Variants in DGKB observed in about 807,000 individuals in gnomAD.
The protein encoded by DGKB is diacylglycerol kinase beta.
Under a neutral mutation model 114.3 loss-of-function variants are expected in DGKB, and 67 were observed. The observed-to-expected ratio is 0.59, with a 90% confidence interval of 0.48 to 0.72. The LOEUF (loss-of-function observed/expected upper bound fraction) is 0.72. DGKB is among the 30% of genes least tolerant of loss of function. The pLI, the probability that DGKB is intolerant of heterozygous loss-of-function variation, is 0.00. For synonymous variants in DGKB, 398 were observed against 323.1 expected, an observed-to-expected ratio of 1.23 and a Z score of -2.49; for missense variants, 907 against 975.2, an observed-to-expected ratio of 0.93 and a Z score of 0.93.
chr7:14,944,483 AT>A (rs1360707281), intron 1 of DGKB, among the ~76,000 whole-genome samples: 2 of 151,974 alleles, frequency 1.3e-5, no homozygotes, highest in African/African-American at 4.8e-5. Flanking sequence ...TGCCTTTACA[AT>A]AAAAAATTTT....
At chr7:14,216,358 T>C (rs917161967) in intron 23 of DGKB, among the ~76,000 whole-genome samples, 8 of 152,134 alleles carry the variant, frequency 5.3e-5, no homozygotes, top group Non-Finnish European at 1.0e-4. Context: ...TGTACTGTTA[T>C]ATGTCATGAG....
At chr7:14,317,964 C>G (rs1806926860) in intron 23 of DGKB, among the ~76,000 whole-genome samples, 2 of 38,986 alleles carry the variant, frequency 5.1e-5, no homozygotes, top group African/African-American at 7.8e-5. Flanking sequence ...CAGAACAGAG[C>G]CCTCAGAAAT....
intron 23 of DGKB, among the ~76,000 whole-genome samples, chr7:14,273,190 CA>C (rs575735588): frequency 6.6e-6 from 1 of 151,720 alleles, no homozygotes; most frequent in Non-Finnish European, 1.5e-5. Flanking sequence ...ACAAAAAATA[CA>C]AAAAATTAGC....
intron 1 of DGKB, among the ~76,000 whole-genome samples, chr7:14,953,431 T>G (rs542110008): frequency 6.6e-6 from 1 of 152,242 alleles, no homozygotes; most frequent in South Asian, 2.1e-4. Flanking sequence ...TACAAATGGC[T>G]GATAAGCACA....
At chr7:14,933,837 G>C (rs1364215825) in intron 1 of DGKB, among the ~76,000 whole-genome samples, 1 of 152,044 alleles carries the variant, frequency 6.6e-6, no homozygotes, top group African/African-American at 2.4e-5. Context: ...AACAGCCCTA[G>C]AAGTTCCTCT....
At chr7:14,878,876 C>CACT (rs1341598085) in intron 1 of DGKB, among the ~76,000 whole-genome samples, 8 of 148,888 alleles carry the variant, frequency 5.4e-5, no homozygotes, top group African/African-American at 2.1e-4. Flanking sequence ...CATTGCAAAT[C>CACT]TTGCATATGT....
At chr7:14,161,658 G>T (rs1237825096) in intron 25 of DGKB, among the ~76,000 whole-genome samples, 1 of 151,676 alleles carries the variant, frequency 6.6e-6, no homozygotes, top group East Asian at 1.9e-4. Context: ...ACACACCAGG[G>T]CCTGTTGGGG....
At chr7:14,162,861 C>A (rs896925333) in intron 25 of DGKB, among the ~76,000 whole-genome samples, 1 of 152,122 alleles carries the variant, frequency 6.6e-6, no homozygotes, top group African/African-American at 2.4e-5. Context: ...ATTAATTAAG[C>A]TCTAATAATG....
intron 1 of DGKB, among the ~76,000 whole-genome samples, chr7:14,956,249 T>A (rs1309779350): frequency 6.6e-6 from 1 of 151,960 alleles, no homozygotes; most frequent in South Asian, 2.1e-4. Flanking sequence ...TAATTTCAAA[T>A]GCAGTGCATT....
chr7:14,482,372 C>G (rs1375519145), intron 20 of DGKB, among the ~76,000 whole-genome samples: 1 of 151,776 alleles, frequency 6.6e-6, no homozygotes, highest in African/African-American at 2.4e-5. Flanking sequence ...GAAATTTTTG[C>G]TTTGGTATTC....
chr7:14,738,076 A>G (rs530822747), intron 4 of DGKB, among the ~76,000 whole-genome samples: 3 of 152,348 alleles, frequency 2.0e-5, no homozygotes, highest in African/African-American at 7.2e-5. Context: ...CAACAGTCAG[A>G]CATGGGATCC....
At chr7:14,763,155 A>C (rs1489100559) in intron 2 of DGKB, among the ~76,000 whole-genome samples, 1 of 152,030 alleles carries the variant, frequency 6.6e-6, no homozygotes, top group Non-Finnish European at 1.5e-5. Flanking sequence ...TCTTTTGCTG[A>C]TGATTTTTTT....
At position 14,894,001 on chromosome 7, in the gene DGKB, A is replaced by C. The variant is rs1163131155; in HGVS notation, c.-188+8591T>G. Reference sequence around the variant, plus strand: ...CTCTGATGTATGGTAGGTGCTCAAAAATTTTAAGTGAACATTTAAATGCCA... The same window carrying C: ...CTCTGATGTATGGTAGGTGCTCAAACATTTTAAGTGAACATTTAAATGCCA... On this transcript the variant is annotated intron_variant, in intron 1 of 25. Coordinates refer to ENST00000402815, the MANE Select transcript of DGKB (RefSeq NM_001350709.2). Among the ~76,000 whole-genome samples the C allele has an allele frequency of 4.6e-5, 7 of 151,214 alleles. No individual in the cohort carries two copies. The East Asian group carries it at 1.4e-3, about 29-fold the overall frequency.
At chr7:14,691,685 T>C (rs1822893997) in intron 9 of DGKB, among the ~76,000 whole-genome samples, 1 of 152,102 alleles carries the variant, frequency 6.6e-6, no homozygotes, top group Non-Finnish European at 1.5e-5. Flanking sequence ...GGTGGCTTAC[T>C]TTTTTCACAA....
chr7:14,659,027 C>A (rs1402954870), intron 13 of DGKB, among the ~76,000 whole-genome samples: 2 of 151,860 alleles, frequency 1.3e-5, no homozygotes, highest in African/African-American at 4.8e-5. Context: ...AGGTTTCAAG[C>A]CCCACATGCA....
intron 5 of DGKB, among the ~76,000 whole-genome samples, chr7:14,719,053 T>A (rs1266937582): frequency 6.6e-6 from 1 of 152,216 alleles, no homozygotes; most frequent in Non-Finnish European, 1.5e-5. Context: ...ATATTTAAAA[T>A]GGACTTTTTC....
intron 1 of DGKB, among the ~76,000 whole-genome samples, chr7:14,855,292 T>C (rs1471094912): frequency 1.3e-5 from 2 of 152,200 alleles, no homozygotes; most frequent in Non-Finnish European, 2.9e-5. Context: ...ACATTGACTT[T>C]CAACTAACAG....
chr7:14,892,475 G>A (rs992823788), intron 1 of DGKB, among the ~76,000 whole-genome samples: 12 of 150,916 alleles, frequency 8.0e-5, no homozygotes, highest in African/African-American at 2.9e-4. Context: ...TGTAATCAAG[G>A]CAAAATGAAA....
chr7:14,627,576 ATGTCTG>A (rs995429087), intron 14 of DGKB, among the ~76,000 whole-genome samples: 28 of 135,178 alleles, frequency 2.1e-4, no homozygotes, highest in Non-Finnish European at 3.2e-5. Flanking sequence ...TAATGTGTGT[ATGTCTG>A]TGTCTGTGTG....
Sources: gnomAD v4.1 joint callset for allele counts (sites outside exome capture counted in the v4.1 genomes callset) on GRCh38, gnomAD v4.1.1 for gene constraint, MANE v1.5 for transcripts, NCBI Gene and HGNC (gene_info 2026-07-23, HGNC 2026-07-21) for gene names.